MIPOL1: variants seen among roughly 807,000 people sequenced by gnomAD.
MIPOL1 encodes the protein mirror-image polydactyly 1, also known as mirror-image polydactyly gene 1 protein.
In MIPOL1, 57 loss-of-function variants were observed where a neutral mutation model predicts 60.9. That is an observed-to-expected ratio of 0.94 (90% CI 0.76 to 1.17). MIPOL1 has a LOEUF of 1.17. MIPOL1 is among the 50% of genes most tolerant of loss of function. The pLI is 0.00. For missense variants in MIPOL1, 551 were observed against 511.6 expected, an observed-to-expected ratio of 1.08 and a Z score of -0.74; for synonymous variants, 179 against 168.8, an observed-to-expected ratio of 1.06 and a Z score of -0.47.
rs1419499319 is a variant in MIPOL1, at chr14:37,275,013, T to C, written c.493+4488T>C. 3.3e-5 allele frequency among the ~76,000 whole-genome samples: 5 copies of C among 151,438 alleles called. No homozygotes were observed. The South Asian group carries it at 8.3e-4, about 25-fold the overall frequency. On this transcript the variant is annotated intron_variant, in intron 6 of 12. Transcript: ENST00000684589. ...GTTTATTTCTTTTGTTAAAATAGTT[T>C]ACAAAGAATTTTTATTTATTATTTA...
chr14:37,282,663 C>G (rs6571800), intron 6 of MIPOL1, among the ~76,000 whole-genome samples: 149,161 of 150,934 alleles, frequency 0.99, 73,729 homozygotes, highest in Middle Eastern at 1. Flanking sequence ...GGTGAAACCC[C>G]GCTGGAGCCT....
At chr14:37,360,908 G>T (rs995939905) in intron 9 of MIPOL1, among the ~76,000 whole-genome samples, 2 of 152,064 alleles carry the variant, frequency 1.3e-5, no homozygotes, top group Non-Finnish European at 2.9e-5. Flanking sequence ...TAATTGTGAT[G>T]GTAGGATGTC....
intron 11 of MIPOL1, among the ~76,000 whole-genome samples, chr14:37,438,966 A>G (rs1399485528): frequency 6.6e-6 from 1 of 152,240 alleles, no homozygotes; most frequent in Non-Finnish European, 1.5e-5. Flanking sequence ...CGTAACAACA[A>G]TCATATTTAG....
chr14:37,356,454 T>A (rs1316461688), intron 9 of MIPOL1, among the ~76,000 whole-genome samples: 4 of 152,204 alleles, frequency 2.6e-5, no homozygotes, highest in African/African-American at 9.6e-5. Context: ...GCTTCCAGGC[T>A]GCTTTGTTTC....
chr14:37,202,384 TACAC>T lies in MIPOL1; in HGVS notation c.-199+4300_-199+4303del, dbSNP rs3061896. Reference sequence around the variant, plus strand: ...GGATCCAGTACATACTGCATTTCATTACACACACACACACACACACACAAACACA... The same window carrying T: ...GGATCCAGTACATACTGCATTTCATTACACACACACACACACACAAACACA... On this transcript the variant is annotated intron_variant, in intron 1 of 12. Coordinates refer to ENST00000684589, the MANE Select transcript of MIPOL1 (RefSeq NM_001388067.1). 1.0e-2 allele frequency among the ~76,000 whole-genome samples: 1,492 copies of T among 149,878 alleles called. 28 individuals are homozygous for T. Among genetic ancestry groups the T allele is most frequent in the African/African-American group, 0.035 (1,433 of 40,912 alleles).
At chr14:37,275,019 GA>G (rs1333361809) in intron 6 of MIPOL1, among the ~76,000 whole-genome samples, 3 of 150,966 alleles carry the variant, frequency 2.0e-5, no homozygotes, top group Non-Finnish European at 4.5e-5. Flanking sequence ...AGTTTACAAA[GA>G]ATTTTTATTT....
rs548863034 is a variant in MIPOL1, at chr14:37,461,135, G to A, written c.1031+38186G>A. Among the ~76,000 whole-genome samples, 20 of 152,240 alleles carry A rather than the reference G, an allele frequency of 1.3e-4. No individual in the cohort carries two copies. In the South Asian group the frequency reaches 3.9e-3, roughly 30 times the overall value. ...CTACAAGGCTATAGTAAACAAAACAGTATGGTACTTGTATTAGTCTGTTTT... is the reference window on the plus strand; with the variant it reads ...CTACAAGGCTATAGTAAACAAAACAATATGGTACTTGTATTAGTCTGTTTT... On this transcript the variant is annotated intron_variant, in intron 11 of 12. Transcript: ENST00000684589.
chr14:37,363,381 G>A (rs2092354252), intron 9 of MIPOL1, among the ~76,000 whole-genome samples: 1 of 152,142 alleles, frequency 6.6e-6, no homozygotes, highest in Non-Finnish European at 1.5e-5. Flanking sequence ...TCAGCTGCAG[G>A]TCCATTGGAG....
chr14:37,460,847 G>C (rs1168191300), intron 11 of MIPOL1, among the ~76,000 whole-genome samples: 7 of 152,098 alleles, frequency 4.6e-5, no homozygotes, highest in Admixed American at 4.6e-4. Flanking sequence ...ACTGAAGAAA[G>C]AAATTCTAGG....
intron 6 of MIPOL1, among the ~76,000 whole-genome samples, chr14:37,283,696 T>C (rs1357270323): frequency 6.6e-6 from 1 of 152,222 alleles, no homozygotes; most frequent in East Asian, 1.9e-4. Context: ...GTATTTTATT[T>C]ATTCGGCCAA....
chr14:37,438,042 G>C (rs2094189935), intron 11 of MIPOL1, among the ~76,000 whole-genome samples: 2 of 151,870 alleles, frequency 1.3e-5, no homozygotes, highest in South Asian at 4.2e-4. Context: ...TTTCTTGTGA[G>C]GCATTTAAAA....
intron 9 of MIPOL1, among the ~76,000 whole-genome samples, chr14:37,349,763 T>G (rs1237796788): frequency 1.3e-5 from 2 of 152,178 alleles, no homozygotes; most frequent in African/African-American, 4.8e-5. Flanking sequence ...CTTATTTCGT[T>G]TATTGTCTCT....
At chr14:37,533,204 T>C (rs753929765) in intron 12 of MIPOL1, among the ~76,000 whole-genome samples, 1 of 152,152 alleles carries the variant, frequency 6.6e-6, no homozygotes, top group African/African-American at 2.4e-5. Flanking sequence ...ATTAGGACTT[T>C]ATACAATGTC....
chr14:37,286,270 G>A (rs1326130964), intron 7 of MIPOL1, among the ~76,000 whole-genome samples: 1 of 152,082 alleles, frequency 6.6e-6, no homozygotes, highest in African/African-American at 2.4e-5. Context: ...GGTAGATGAT[G>A]GACTACACTT....
intron 10 of MIPOL1, among the ~76,000 whole-genome samples, chr14:37,388,587 T>A (rs1272306701): frequency 6.6e-6 from 1 of 151,762 alleles, no homozygotes; most frequent in Non-Finnish European, 1.5e-5. Context: ...ATGTCCACCG[T>A]AATGAAGATA....
chr14:37,322,500 A>G (rs992210896), intron 9 of MIPOL1, among the ~76,000 whole-genome samples: 1 of 152,018 alleles, frequency 6.6e-6, no homozygotes, highest in East Asian at 1.9e-4. Flanking sequence ...TAAGAAATGT[A>G]TCTTTTTTTA....
chr14:37,551,205 G>A lies in MIPOL1; in HGVS notation c.*4234G>A, dbSNP rs1333091995. 1 of 152,012 alleles carries A rather than the reference G, an allele frequency of 6.6e-6. No homozygotes were observed. Among genetic ancestry groups the A allele is most frequent in the African/African-American group, 2.4e-5 (1 of 41,400 alleles). The allele number at this position is 152,012 out of a possible 1,614,324, so 9.4% of individuals were successfully genotyped here. A position where few individuals can be genotyped will look rare whatever the true frequency, so the allele number is the denominator to read the frequency against. ...TGTATTTTAATGCACAAACTCAAATGTTTAAAATATATATTTACTTTGTAC... is the reference window on the plus strand; with the variant it reads ...TGTATTTTAATGCACAAACTCAAATATTTAAAATATATATTTACTTTGTAC... On this transcript the variant is annotated 3_prime_UTR_variant, in exon 13 of 13. Transcript: ENST00000684589.
At chr14:37,378,105 G>T (rs1312584115) in intron 10 of MIPOL1, among the ~76,000 whole-genome samples, 1 of 151,920 alleles carries the variant, frequency 6.6e-6, no homozygotes, top group South Asian at 2.1e-4. Flanking sequence ...AGTGTAAAAT[G>T]GTACAGCTAC....
intron 9 of MIPOL1, among the ~76,000 whole-genome samples, chr14:37,352,971 C>T (rs1216272155): frequency 7.1e-6 from 1 of 141,818 alleles, no homozygotes; most frequent in Non-Finnish European, 1.5e-5. Context: ...AGAGGGCATC[C>T]CTGTCTTGTG....
Sources: gnomAD v4.1 joint callset for allele counts (sites outside exome capture counted in the v4.1 genomes callset) on GRCh38, gnomAD v4.1.1 for gene constraint, MANE v1.5 for transcripts, NCBI Gene and HGNC (gene_info 2026-07-23, HGNC 2026-07-21) for gene names.